Variants in CEP350 observed in about 807,000 individuals in gnomAD.
The protein encoded by CEP350 is centrosome-associated protein 350.
In CEP350, 126 loss-of-function variants were observed where a neutral mutation model predicts 331.8. The observed-to-expected ratio is 0.38, with a 90% confidence interval of 0.33 to 0.44. CEP350 has a LOEUF of 0.44. CEP350 is among the 20% of genes least tolerant of loss of function. The pLI, the probability that CEP350 is intolerant of heterozygous loss-of-function variation, is 1.00. For synonymous variants in CEP350, 1,200 were observed against 1,259.5 expected (o/e 0.95, Z 1.00); for missense variants, 3,406 against 3,634.6 (o/e 0.94, Z 1.62).
chr1:180,005,317 A>T (rs1654183109), intron 7 of CEP350, among the ~76,000 whole-genome samples: 2 of 151,890 alleles, frequency 1.3e-5, no homozygotes, highest in Admixed American at 1.3e-4. Flanking sequence ...TACCCCTTAA[A>T]CCTGCTACTC....
chr1:179,966,858 T>A (rs557841830), intron 1 of CEP350, among the ~76,000 whole-genome samples: 1 of 152,108 alleles, frequency 6.6e-6, no homozygotes, highest in Non-Finnish European at 1.5e-5. Flanking sequence ...TTACCCACAA[T>A]CTCCAGTTGC....
At chr1:180,049,817 C>G (rs997600818) in intron 22 of CEP350, among the ~76,000 whole-genome samples, 19 of 152,218 alleles carry the variant, frequency 1.2e-4, no homozygotes, top group Non-Finnish European at 4.4e-5. Context: ...GCTGGGATTA[C>G]AGGTGTGAGC....
chr1:180,044,255 A>C lies in CEP350; in HGVS notation c.4622+82A>C, dbSNP rs1440831694. 2.3e-6 allele frequency: 3 copies of C among 1,331,628 alleles called. No individual in the cohort carries two copies. The African/African-American group carries it at 4.5e-5, about 20-fold the overall frequency. The allele number at this position is 1,331,628 out of a possible 1,614,324, so 82.5% of individuals were successfully genotyped here. ...TAAACATTGCTTTCTTTGATTTCTT[A>C]ATCTTGTTTATTTAAATAGAACAGT... On this transcript the variant is annotated intron_variant, in intron 21 of 37. Coordinates refer to ENST00000367607, the MANE Select transcript of CEP350 (RefSeq NM_014810.5).
At chr1:179,955,417 A>G (rs1650099396) in intron 1 of CEP350, among the ~76,000 whole-genome samples, 1 of 152,098 alleles carries the variant, frequency 6.6e-6, no homozygotes, top group Non-Finnish European at 1.5e-5. Context: ...TAGCCTGCAG[A>G]GGTAAGATAC....
intron 13 of CEP350, 60 bp from the exon 14 acceptor site, chr1:180,024,359 T>G (rs971929201): frequency 1.2e-5 from 17 of 1,432,774 alleles, no homozygotes; most frequent in Admixed American, 2.2e-5. Context: ...TAAATATCTT[T>G]AATTTAGCTG....
chr1:180,066,536 C>A (rs1431297886), intron 27 of CEP350, among the ~76,000 whole-genome samples: 3 of 152,004 alleles, frequency 2.0e-5, no homozygotes, highest in Non-Finnish European at 4.4e-5. Context: ...AGGTGCAGTT[C>A]TATATTGGCA....
At chr1:179,987,145 T>C in intron 2 of CEP350, 95 bp from the exon 3 acceptor site, 2 of 684,194 alleles carry the variant, frequency 2.9e-6, no homozygotes, top group Non-Finnish European at 5.0e-6. Context: ...TTTCAGACTT[T>C]TGAGTGCATT....
intron 1 of CEP350, among the ~76,000 whole-genome samples, chr1:179,982,516 CTT>C (rs1364014129): frequency 6.6e-6 from 1 of 152,036 alleles, no homozygotes; most frequent in African/African-American, 2.4e-5. Flanking sequence ...TAAATTTTCT[CTT>C]GTTTATTCAT....
In CEP350 at chr1:180,027,863, G is replaced by A. The variant is rs905008268; in HGVS notation, c.3550+3281G>A. 5.3e-5 allele frequency among the ~76,000 whole-genome samples: 8 copies of A among 151,942 alleles called. No individual in the cohort carries two copies. The South Asian group carries it at 8.3e-4, about 16-fold the overall frequency. On this transcript the variant is annotated intron_variant, in intron 14 of 37. Coordinates refer to ENST00000367607, the MANE Select transcript of CEP350 (RefSeq NM_014810.5). ...GAAAATCCTAGAGATAAGATAATGGGGCAAATAATATGCCATGTTTAAAAT... is the reference window on the plus strand; with the variant it reads ...GAAAATCCTAGAGATAAGATAATGGAGCAAATAATATGCCATGTTTAAAAT...
intron 26 of CEP350, 23 bp from the exon 27 acceptor site, chr1:180,065,092 A>AT: frequency 6.4e-7 from 1 of 1,572,558 alleles, no homozygotes. Context: ...GTCCAATACA[A>AT]TTTTGCCTCT....
intron 25 of CEP350, among the ~76,000 whole-genome samples, chr1:180,057,099 C>CTT (rs1184545742): frequency 4.4e-5 from 6 of 137,728 alleles, no homozygotes; most frequent in East Asian, 2.1e-4. Flanking sequence ...ACTTTTCTTT[C>CTT]TTTTTTTTTT....
intron 5 of CEP350, among the ~76,000 whole-genome samples, chr1:179,995,782 T>C (rs1653417407): frequency 6.6e-6 from 1 of 152,256 alleles, no homozygotes; most frequent in South Asian, 2.1e-4. Flanking sequence ...AGATACGCTT[T>C]ACAAAGTTTG....
chr1:180,034,087 G>GTAGA lies in CEP350; in HGVS notation c.3946+7_3946+10dup. 6.2e-7 allele frequency: 1 copy of GTAGA among 1,608,876 alleles called. No homozygotes were observed. The highest frequency in any genetic ancestry group is 8.5e-7 in the Non-Finnish European group (1 of 1,177,668). On this transcript the variant is annotated splice_donor_region_variant and intron_variant, in intron 16 of 37. Transcript: ENST00000367607. ...AGAACATGGCTCCAATACCAGGTAA[G>GTAGA]TAGATTCATGCAATTGTAATTTTTA...
intron 27 of CEP350, chr1:180,073,736 T>C: frequency 7.8e-7 from 1 of 1,285,708 alleles, no homozygotes. Flanking sequence ...TTTCTCATTC[T>C]TCCTGCCTCT....
At chr1:179,988,085 C>G (rs967941843) in intron 3 of CEP350, among the ~76,000 whole-genome samples, 6 of 151,942 alleles carry the variant, frequency 3.9e-5, no homozygotes, top group Admixed American at 1.3e-4. Context: ...TCGTTTTGAG[C>G]CCAGGCATTC....
intron 1 of CEP350, among the ~76,000 whole-genome samples, chr1:179,957,847 T>C (rs1650291910): frequency 6.6e-6 from 1 of 152,220 alleles, no homozygotes; most frequent in Admixed American, 6.5e-5. Context: ...ATATAAACTT[T>C]AAGACCCTAA....
At chr1:179,979,491 A>G (rs1652119316) in intron 1 of CEP350, among the ~76,000 whole-genome samples, 1 of 143,034 alleles carries the variant, frequency 7.0e-6, no homozygotes, top group Non-Finnish European at 1.5e-5. Context: ...CCAATTTTTT[A>G]GGTTGTTTTT....
rs1572000151 is a variant in CEP350 at position 180,099,109 on chromosome 1, C to T, written c.9189+124C>T. 10 of 947,932 alleles carry T rather than the reference C, an allele frequency of 1.1e-5. No individual in the cohort carries two copies. In the South Asian group the frequency reaches 1.4e-4, roughly 13 times the overall value. The allele number at this position is 947,932 out of a possible 1,614,324, so 58.7% of individuals were successfully genotyped here. On this transcript the variant is annotated intron_variant, in intron 37 of 37. Coordinates refer to ENST00000367607, the MANE Select transcript of CEP350 (RefSeq NM_014810.5). ...ATCTATGGTATTAAAATCTTAAAGC[C>T]TTTACTTGCTGCATTTCTACCCCTC...
chr1:180,073,345 G>A (rs1444361028), intron 27 of CEP350, among the ~76,000 whole-genome samples: 2 of 152,140 alleles, frequency 1.3e-5, no homozygotes, highest in Non-Finnish European at 2.9e-5. Context: ...TAAGGCAAAT[G>A]TAGTATTTTA....
Sources: allele counts gnomAD v4.1 joint callset (sites outside exome capture counted in the v4.1 genomes callset), GRCh38; gene constraint gnomAD v4.1.1; transcripts MANE v1.5; gene names NCBI Gene and HGNC (gene_info 2026-07-23, HGNC 2026-07-21).